The following R3HDM2 variants were observed in gnomAD, a reference collection of about 807,000 sequenced individuals.
R3HDM2 encodes the protein R3H domain-containing protein 2.
A neutral mutation model predicts 124.5 loss-of-function variants in R3HDM2; 38 were observed. That is an observed-to-expected ratio of 0.31 (90% confidence interval 0.24 to 0.40). R3HDM2 has a LOEUF of 0.40. Among genes scored for constraint, R3HDM2 ranks in the 10% least tolerant of loss-of-function variants. The pLI is 1.00. For synonymous variants in R3HDM2, 391 were observed against 448.0 expected, an observed-to-expected ratio of 0.87 and a Z score of 1.61; for missense variants, 869 against 1,236.9, an observed-to-expected ratio of 0.70 and a Z score of 4.46.
intron 1 of R3HDM2, among the ~76,000 whole-genome samples, chr12:57,422,113 A>T (rs2070277453): frequency 1.4e-5 from 2 of 139,080 alleles, no homozygotes; most frequent in African/African-American, 5.1e-5. Flanking sequence ...AAAAAAAAAA[A>T]AAAAATTTTG....
intron 2 of R3HDM2, among the ~76,000 whole-genome samples, chr12:57,383,080 C>G (rs2065137428): frequency 6.6e-6 from 1 of 151,864 alleles, no homozygotes; most frequent in African/African-American, 2.4e-5. Context: ...GTCTTGAACT[C>G]CTGACCTCAG....
chr12:57,309,443 G>A (rs188335196), intron 3 of R3HDM2, among the ~76,000 whole-genome samples: 2 of 152,314 alleles, frequency 1.3e-5, no homozygotes, highest in East Asian at 1.9e-4. Context: ...AGGAAGTTTG[G>A]CTAACTATCT....
chr12:57,283,994 A>G lies in R3HDM2; in HGVS notation c.1001T>C (p.Leu334Pro). Residue 334 changes from leucine (L) to proline (P), a missense_variant, in exon 13 of 24, where the codon CTC becomes CCC. This residue lies in a region of R3HDM2 where 267 missense variants were observed against 447.7 expected (regional missense o/e 0.60). Coordinates refer to ENST00000402412, the MANE Select transcript of R3HDM2 (RefSeq NM_001394031.1). Reference sequence around the variant, plus strand: ...CCAAGGGCGTGGCTCCAGGGATTTGAGTTCGCTGTCTGTGCTGCTCTGGCG... The same window carrying G: ...CCAAGGGCGTGGCTCCAGGGATTTGGGTTCGCTGTCTGTGCTGCTCTGGCG... ...SSRQSSTDSELKSLEPRPWSS... is the reference protein window; with the variant it reads ...SSRQSSTDSEPKSLEPRPWSS... 13 of 1,613,912 alleles carry G rather than the reference A, an allele frequency of 8.1e-6. No individual in the cohort carries two copies. The highest frequency in any genetic ancestry group is 1.1e-5 in the Non-Finnish European group (13 of 1,179,890).
chr12:57,354,427 G>A (rs2061027929), intron 2 of R3HDM2, among the ~76,000 whole-genome samples: 1 of 151,698 alleles, frequency 6.6e-6, no homozygotes. Flanking sequence ...AGAGTAGCTG[G>A]AACCACAGAT....
intron 10 of R3HDM2, among the ~76,000 whole-genome samples, chr12:57,292,993 T>C (rs906863247): frequency 2.8e-5 from 4 of 141,124 alleles, no homozygotes; most frequent in African/African-American, 1.1e-4. Context: ...ATCGAGAAAA[T>C]AGCCCTGGGA....
At chr12:57,302,609 C>T (rs1438505241) in intron 4 of R3HDM2, among the ~76,000 whole-genome samples, 1 of 144,692 alleles carries the variant, frequency 6.9e-6, no homozygotes, top group Non-Finnish European at 1.5e-5. Flanking sequence ...GAGGTTGCAG[C>T]GAGCCAGGAT....
At chr12:57,405,194 T>C (rs2068417386) in intron 1 of R3HDM2, among the ~76,000 whole-genome samples, 2 of 152,188 alleles carry the variant, frequency 1.3e-5, no homozygotes, top group African/African-American at 4.8e-5. Flanking sequence ...CACACTCAAG[T>C]AATTTAAAAA....
In R3HDM2 at chr12:57,296,793, G is replaced by A. The variant is rs974242260; in HGVS notation, c.561-242C>T. Reference sequence around the variant, plus strand: ...TTAAGACTACTCATTGCTGGGTGCAGTGGCTCATGCCCGTAATCCCAGCAC... The same window carrying A: ...TTAAGACTACTCATTGCTGGGTGCAATGGCTCATGCCCGTAATCCCAGCAC... On this transcript the variant is annotated intron_variant, in intron 8 of 23. Transcript: ENST00000402412. The surrounding 1 kb of genome is among the most constrained non-coding windows in gnomAD (Gnocchi z 4.5). The A allele has an allele frequency of 5.4e-5, 22 of 408,984 alleles. No individual in the cohort carries two copies. The highest frequency in any genetic ancestry group is 8.3e-5 in the Non-Finnish European group (19 of 228,574). The allele number at this position is 408,984 out of a possible 1,614,324, so 25.3% of individuals were successfully genotyped here.
Position 57,256,417 on chromosome 12 carries a change from G to T in R3HDM2, c.2544C>A (p.His848Gln). ...AGTTGCTGGTGGACACCCTTACCTG[G>T]TGCACCGTGTAAGTTGACTGGCCAT... Reference protein sequence around the residue: ...LLHGQSTYTVHQGQSGLKHGN... With the variant: ...LLHGQSTYTVQQGQSGLKHGN... The change falls in exon 22 of 24, where the codon CAC becomes CAA. Residue 848 changes from histidine to glutamine, a missense_variant. This residue lies in a region of R3HDM2 where 602 missense variants were observed against 789.2 expected (regional missense o/e 0.76). Transcript: ENST00000402412. 6.3e-7 allele frequency: 1 copy of T among 1,580,056 alleles called. No individual in the cohort carries two copies. Among genetic ancestry groups the T allele is most frequent in the Non-Finnish European group, 8.6e-7 (1 of 1,160,994 alleles).
Position 57,268,462 on chromosome 12 carries a change from G to T in R3HDM2, c.1876-5C>A, listed in dbSNP as rs2042936308. On this transcript the variant is annotated splice_polypyrimidine_tract_variant and splice_region_variant and intron_variant, in intron 17 of 23. Coordinates refer to ENST00000402412, the MANE Select transcript of R3HDM2 (RefSeq NM_001394031.1). ...CGAGTCACTACCCACTGGAACCTGG[G>T]TGAGAAAGAGAAGAGAAAGAATCAC... The T allele has an allele frequency of 1.2e-6, 2 of 1,613,584 alleles. No individual in the cohort carries two copies. The highest frequency in any genetic ancestry group is 8.5e-7 in the Non-Finnish European group (1 of 1,179,756).
At chr12:57,373,275 T>C (rs906112280) in intron 2 of R3HDM2, among the ~76,000 whole-genome samples, 2 of 148,704 alleles carry the variant, frequency 1.3e-5, no homozygotes, top group Non-Finnish European at 3.0e-5. Flanking sequence ...CCAATGCAGG[T>C]GGATCACGAG....
At position 57,255,050 on chromosome 12, in the gene R3HDM2, T is replaced by C. The variant is rs755913719; in HGVS notation, c.2696A>G (p.Lys899Arg). The C allele has an allele frequency of 1.9e-6, 3 of 1,613,570 alleles. No homozygotes were observed. In the South Asian group the frequency reaches 3.3e-5, roughly 18 times the overall value. ...AGACATGGCGAGCTGCGTGAAGAGT[T>C]TGTCCGCCTCAGTACGGGTGATGCC... Reference protein sequence around the residue: ...PEGITRTEADKLFTQLAMSGA... With the variant: ...PEGITRTEADRLFTQLAMSGA... Residue 899 changes from lysine to arginine, a missense_variant, in exon 24 of 24, where the codon AAA (lysine) becomes AGA (arginine). Transcript: ENST00000402412.
At position 57,338,172 on chromosome 12, in the gene R3HDM2, G is replaced by A. The variant is rs145290682; in HGVS notation, c.-35-27709C>T. On this transcript the variant is annotated intron_variant, in intron 2 of 23. Transcript: ENST00000402412. ...TACAAAATTATCCGGGCATGGTGGC[G>A]CATGCCTGTACTCCCAGCTACTCAG... Among the ~76,000 whole-genome samples the A allele has an allele frequency of 2.1e-3, 316 of 152,180 alleles. 3 individuals are homozygous for A. Among genetic ancestry groups the A allele is most frequent in the African/African-American group, 7.5e-3 (310 of 41,532 alleles).
intron 2 of R3HDM2, among the ~76,000 whole-genome samples, chr12:57,350,686 A>G (rs1193818655): frequency 6.6e-6 from 1 of 152,208 alleles, no homozygotes; most frequent in African/African-American, 2.4e-5. Flanking sequence ...AAAGAATGAG[A>G]ACTCATGCCT....
chr12:57,334,562 GC>G (rs1282143867), intron 2 of R3HDM2, among the ~76,000 whole-genome samples: 1 of 151,940 alleles, frequency 6.6e-6, no homozygotes, highest in Non-Finnish European at 1.5e-5. Context: ...AATAAGAAAT[GC>G]TGCCATTCTG....
At chr12:57,384,377 G>A (rs1259220224) in intron 2 of R3HDM2, among the ~76,000 whole-genome samples, 1 of 150,954 alleles carries the variant, frequency 6.6e-6, no homozygotes, top group African/African-American at 2.4e-5. Context: ...GAAAAGAAAA[G>A]TAGGGAAACA....
intron 2 of R3HDM2, among the ~76,000 whole-genome samples, chr12:57,376,401 G>A (rs1182789068): frequency 1.3e-5 from 2 of 152,180 alleles, no homozygotes; most frequent in Non-Finnish European, 2.9e-5. Context: ...GACAAACAAC[G>A]GGAAGGGTAC....
chr12:57,261,382 T>G lies in R3HDM2; in HGVS notation c.2132-2323A>C, dbSNP rs148993784. On this transcript the variant is annotated intron_variant, in intron 19 of 23. Transcript: ENST00000402412. ...AGCTCATAATCTGAGCCTAATGCCC[T>G]GGGCCAGGAAAGGTGGAGAAGGGGG... Among the ~76,000 whole-genome samples, 194 of 152,280 alleles carry G rather than the reference T, an allele frequency of 1.3e-3. 2 individuals carry two copies. Among genetic ancestry groups the G allele is most frequent in the African/African-American group, 4.4e-3 (184 of 41,544 alleles).
At chr12:57,417,241 T>C (rs2139457791) in intron 1 of R3HDM2, among the ~76,000 whole-genome samples, 1 of 151,658 alleles carries the variant, frequency 6.6e-6, no homozygotes, top group East Asian at 1.9e-4. Context: ...CCATCTCTAC[T>C]AAAAATACAA....
Sources: allele counts gnomAD v4.1 joint callset (sites outside exome capture counted in the v4.1 genomes callset), GRCh38; gene constraint gnomAD v4.1.1; regional missense constraint gnomAD v4.1.1; non-coding constraint Gnocchi (gnomAD v3.1); transcripts MANE v1.5; gene names NCBI Gene and HGNC (gene_info 2026-07-23, HGNC 2026-07-21).